The following BDP1 variants were observed in gnomAD, a reference collection of about 807,000 sequenced individuals.
BDP1 encodes the protein BDP1 general transcription factor IIIB subunit.
In BDP1, 169 loss-of-function variants were observed where a neutral mutation model predicts 266.6. That is an observed-to-expected ratio of 0.63 (90% CI 0.56 to 0.72). The LOEUF (loss-of-function observed/expected upper bound fraction) is 0.72, where lower values mean the gene tolerates loss of function less well. BDP1 is among the 30% of genes least tolerant of loss of function. The pLI is 0.00. For synonymous variants in BDP1, 1,090 were observed against 1,022.4 expected, an observed-to-expected ratio of 1.07 and a Z score of -1.26; for missense variants, 3,015 against 3,053.8, an observed-to-expected ratio of 0.99 and a Z score of 0.30.
chr5:71,510,334 TTGA>T lies in BDP1; in HGVS notation c.3245_3247del (p.Asp1082del). On this transcript the variant is annotated inframe_deletion, in exon 17 of 39. Transcript: ENST00000358731. Reference sequence around the variant, plus strand: ...CCAAGGGGGAAGACACCAGAGGTGATTGATGCCATTGAGGAAATAGAGATAGAT... The same window carrying T: ...CCAAGGGGGAAGACACCAGAGGTGATTGCCATTGAGGAAATAGAGATAGAT... The T allele has an allele frequency of 6.2e-7, 1 of 1,612,642 alleles. No individual in the cohort carries two copies. The highest frequency in any genetic ancestry group is 1.1e-5 in the South Asian group (1 of 90,996).
chr5:71,455,700 G>A lies in BDP1; in HGVS notation c.-178G>A. 3.3e-6 allele frequency: 2 copies of A among 612,692 alleles called. No individual in the cohort carries two copies. Among genetic ancestry groups the A allele is most frequent in the Admixed American group, 3.0e-5 (1 of 33,180 alleles). The allele number at this position is 612,692 out of a possible 1,614,324, so 38.0% of individuals were successfully genotyped here. ...TGTGGCAGGGTCATGAAAAAGCGGCGGCGGCGGGAGAGAGGAGGAGGCGGC... is the reference window on the plus strand; with the variant it reads ...TGTGGCAGGGTCATGAAAAAGCGGCAGCGGCGGGAGAGAGGAGGAGGCGGC... On this transcript the variant is annotated 5_prime_UTR_variant, in exon 1 of 39. Transcript: ENST00000358731.
intron 7 of BDP1, among the ~76,000 whole-genome samples, chr5:71,471,539 C>T (rs902784010): frequency 1.3e-5 from 2 of 152,142 alleles, no homozygotes; most frequent in African/African-American, 2.4e-5. Flanking sequence ...TTTTCTGATC[C>T]GTTGCTTTCC....
chr5:71,501,527 G>C (rs370617670), intron 13 of BDP1, 35 bp from the exon 14 acceptor site: 1 of 1,231,806 alleles, frequency 8.1e-7, no homozygotes, highest in Non-Finnish European at 1.2e-6. Context: ...ACTGTTTATT[G>C]TAAGTAGATA....
chr5:71,545,407 C>T, intron 32 of BDP1, 188 bp downstream of exon 32: 1 of 578,602 alleles, frequency 1.7e-6, no homozygotes, highest in Non-Finnish European at 2.9e-6. Context: ...TCTCAGCTCA[C>T]TGCAACCTCT....
At chr5:71,523,591 G>C (rs1448549986) in intron 24 of BDP1, among the ~76,000 whole-genome samples, 1 of 152,200 alleles carries the variant, frequency 6.6e-6, no homozygotes, top group Non-Finnish European at 1.5e-5. Flanking sequence ...TGGGAGTAGA[G>C]GCGTGAGCTA....
Position 71,502,676 on chromosome 5 carries a change from AAAAGCC to A in BDP1, c.2136_2141del (p.Lys712_Pro713del). The A allele has an allele frequency of 1.2e-6, 2 of 1,614,104 alleles. No individual in the cohort carries two copies. Among genetic ancestry groups the A allele is most frequent in the Admixed American group, 3.3e-5 (2 of 60,012 alleles). ...CCTGTACAAGTGAGGGGCCGATTGC[AAAAGCC>A]AAAGCCAAATGCAGGTAAAGCTGCT... On this transcript the variant is annotated inframe_deletion, in exon 15 of 39. Transcript: ENST00000358731.
intron 3 of BDP1, 30 bp downstream of exon 3, chr5:71,461,956 CTCTTT>C: frequency 1.4e-6 from 1 of 725,322 alleles, no homozygotes; most frequent in Non-Finnish European, 2.3e-6. Context: ...GCTTTACTAT[CTCTTT>C]TTTTTTTTTT....
rs571538584 is a variant in BDP1, at chr5:71,509,448, C to T, written c.2373-17C>T. ...CTGGTTTAAAACTTGATTGTGTGCC[C>T]CCTTTTTTTTTTATAGCGTTCAAGA... On this transcript the variant is annotated splice_polypyrimidine_tract_variant and intron_variant, in intron 16 of 38. Transcript: ENST00000358731. 3.3e-6 allele frequency: 5 copies of T among 1,523,410 alleles called. No homozygotes were observed. The South Asian group carries it at 6.7e-5, about 20-fold the overall frequency. 94.4% of individuals were successfully genotyped at this position (1,523,410 alleles called of 1,614,324 possible). A position where few individuals can be genotyped will look rare whatever the true frequency, so the allele number is the denominator to read the frequency against.
In BDP1 at chr5:71,564,838, G is replaced by C; in HGVS notation, c.7828G>C (p.Glu2610Gln). Residue 2610 changes from glutamate to glutamine, a missense_variant, in exon 39 of 39, where the codon GAA becomes CAA. Physicochemically the swap from Glu to Gln is conservative, Grantham distance 29 (BLOSUM62 2). This residue lies in a region of BDP1 where 629 missense variants were observed against 632.5 expected (regional missense o/e 0.99). Transcript: ENST00000358731. Reference protein sequence around the residue: ...APQGEATTVSEYFFNDIFIEV... With the variant: ...APQGEATTVSQYFFNDIFIEV... ...TCAAGGGGAGGCAACCACAGTCTCT[G>C]AATATTTCTTCAATGATATCTTCAT... is the stretch of plus-strand genomic sequence containing the variant. 6.2e-7 allele frequency: 1 copy of C among 1,610,884 alleles called. No homozygotes were observed. Among genetic ancestry groups the C allele is most frequent in the Non-Finnish European group, 8.5e-7 (1 of 1,179,492 alleles).
At chr5:71,539,822 T>C (rs1296673251) in intron 28 of BDP1, among the ~76,000 whole-genome samples, 173 bp downstream of exon 28, 4 of 152,160 alleles carry the variant, frequency 2.6e-5, no homozygotes, top group African/African-American at 9.7e-5. Context: ...TACTACTGTT[T>C]AGGTGTAGTG....
chr5:71,484,376 T>G (rs1763131407), intron 8 of BDP1, among the ~76,000 whole-genome samples: 1 of 152,136 alleles, frequency 6.6e-6, no homozygotes, highest in Admixed American at 6.5e-5. Context: ...TTTAGAACCT[T>G]AAGTCTGATT....
At chr5:71,483,793 T>C (rs1402567619) in intron 7 of BDP1, 49 bp from the exon 8 acceptor site, 1 of 1,394,214 alleles carries the variant, frequency 7.2e-7, no homozygotes, top group Non-Finnish European at 1.0e-6. Flanking sequence ...TAAAAAAAAA[T>C]GCTTGTTTTA....
intron 7 of BDP1, among the ~76,000 whole-genome samples, chr5:71,477,377 A>G (rs1383644495): frequency 6.6e-6 from 1 of 151,856 alleles, no homozygotes; most frequent in Admixed American, 6.6e-5. Context: ...TCAAATTCCT[A>G]GGCTCAAGCA....
rs746983763 is a variant in BDP1 at position 71,510,786 on chromosome 5, G to C, written c.3694G>C (p.Glu1232Gln). ...KMETDLKEIR[E>Q]EISQREKVLA... ...GGAGACAGATTTGAAAGAAATTAGA[G>C]AAGAAATTTCCCAAAGGGAAAAGGT... Residue 1232 changes from glutamate to glutamine, a missense_variant, in exon 17 of 39, where the codon GAA (glutamate) becomes CAA (glutamine). Transcript: ENST00000358731. 1 of 1,613,700 alleles carries C rather than the reference G, an allele frequency of 6.2e-7. No individual in the cohort carries two copies. The highest frequency in any genetic ancestry group is 1.3e-5 in the African/African-American group (1 of 74,914).
rs555186054 is a variant in BDP1, at chr5:71,506,386, CAG to C, written c.2372+1637_2372+1638del. 8.4e-4 allele frequency among the ~76,000 whole-genome samples: 128 copies of C among 152,280 alleles called. 1 individual carries two copies. The highest frequency in any genetic ancestry group is 2.9e-3 in the African/African-American group (121 of 41,558). On this transcript the variant is annotated intron_variant, in intron 16 of 38. Transcript: ENST00000358731. Reference sequence around the variant, plus strand: ...TATCAAATTATACACCTATGTCTAACAGAAAGTTTTCCCCCTCTCCTACTCCA... The same window carrying C: ...TATCAAATTATACACCTATGTCTAACAAAGTTTTCCCCCTCTCCTACTCCA...
At position 71,466,194 on chromosome 5, in the gene BDP1, A is replaced by G; in HGVS notation, c.758A>G (p.Asp253Gly). Residue 253 changes from aspartate (D) to glycine (G), a missense_variant, in exon 5 of 39, where the codon GAT becomes GGT. By Grantham distance (94) the Asp-to-Gly change is moderately conservative (BLOSUM62 -1). Around this residue, in one of 3 missense-constraint regions of BDP1, gnomAD observed 2,383 missense variants for 2,404.9 expected, o/e 0.99. Coordinates refer to ENST00000358731, the MANE Select transcript of BDP1 (RefSeq NM_018429.3). Reference sequence around the variant, plus strand: ...GTTCCTCGAGTAAAAGTGGCAGAAGATGGTTCCATTATTTTGGATGAAGAA... The same window carrying G: ...GTTCCTCGAGTAAAAGTGGCAGAAGGTGGTTCCATTATTTTGGATGAAGAA... The part of the protein sequence containing the change: ...LLVPRVKVAE[D>G]GSIILDEESL... 6.2e-7 allele frequency: 1 copy of G among 1,614,034 alleles called. No homozygotes were observed. Among genetic ancestry groups the G allele is most frequent in the African/African-American group, 1.3e-5 (1 of 75,036 alleles).
chr5:71,510,529 A>G lies in BDP1; in HGVS notation c.3437A>G (p.Glu1146Gly), dbSNP rs755230703. Residue 1146 changes from glutamate (E) to glycine (G), a missense_variant, in exon 17 of 39, where the codon GAA (glutamate) becomes GGA (glycine). Physicochemically the swap from Glu to Gly is moderately conservative, Grantham distance 98. This residue lies in a region of BDP1 where 2,383 missense variants were observed against 2,404.9 expected (regional missense o/e 0.99). Coordinates refer to ENST00000358731, the MANE Select transcript of BDP1 (RefSeq NM_018429.3). ...ACTGAGGAAATAGACAAAGATCTGG[A>G]AGAAACTGGAAGAAGAGAAATATCC... The part of the protein sequence containing the change: ...DATEEIDKDL[E>G]ETGRREISPE... The G allele has an allele frequency of 3.1e-6, 5 of 1,614,078 alleles. No individual in the cohort carries two copies. In the East Asian group the frequency reaches 1.1e-4, roughly 36 times the overall value.
At chr5:71,466,402 T>C (rs1761905402) in intron 5 of BDP1, among the ~76,000 whole-genome samples, 181 bp downstream of exon 5, 2 of 152,218 alleles carry the variant, frequency 1.3e-5, no homozygotes, top group Non-Finnish European at 2.9e-5. Flanking sequence ...TAGTAATTTT[T>C]ATAACTATTT....
downstream of BDP1, among the ~76,000 whole-genome samples, chr5:71,569,942 G>A (rs377097847): frequency 2.0e-5 from 3 of 152,318 alleles, no homozygotes; most frequent in East Asian, 5.8e-4. Flanking sequence ...TGGAAATGTA[G>A]TAGGAATCAA....
Sources: allele counts gnomAD v4.1 joint callset (sites outside exome capture counted in the v4.1 genomes callset), GRCh38; gene constraint gnomAD v4.1.1; regional missense constraint gnomAD v4.1.1; transcripts MANE v1.5; gene names NCBI Gene and HGNC (gene_info 2026-07-23, HGNC 2026-07-21).